Variants in RABGAP1L observed in about 807,000 individuals in gnomAD.
The protein encoded by RABGAP1L is rab GTPase-activating protein 1-like.
In RABGAP1L, 63 loss-of-function variants were observed where a neutral mutation model predicts 137.7. That is an observed-to-expected ratio of 0.46 (90% CI 0.37 to 0.56). The LOEUF is 0.56. RABGAP1L is among the 20% of genes least tolerant of loss of function. RABGAP1L has a pLI of 0.00. For missense variants in RABGAP1L, 1,095 were observed against 1,244.0 expected, an observed-to-expected ratio of 0.88 and a Z score of 1.80; for synonymous variants, 431 against 433.7, an observed-to-expected ratio of 0.99 and a Z score of 0.08.
intron 17 of RABGAP1L, among the ~76,000 whole-genome samples, chr1:174,748,166 G>A (rs779646925): frequency 5.9e-5 from 9 of 152,030 alleles, no homozygotes; most frequent in Admixed American, 2.6e-4. Context: ...TGGACAGCTT[G>A]GTTGTCTAAT....
intron 19 of RABGAP1L, among the ~76,000 whole-genome samples, chr1:174,836,607 T>G (rs1167005830): frequency 2.6e-5 from 4 of 152,220 alleles, no homozygotes; most frequent in African/African-American, 7.2e-5. Context: ...CTTTTGAGAG[T>G]ATGCAAAGTG....
chr1:174,940,486 C>T (rs1298129762), intron 19 of RABGAP1L, among the ~76,000 whole-genome samples: 3 of 152,026 alleles, frequency 2.0e-5, no homozygotes, highest in African/African-American at 7.2e-5. Flanking sequence ...CTTTGTTGCC[C>T]AGGCTGGTCT....
chr1:174,878,522 GC>G (rs1463064019), intron 19 of RABGAP1L, among the ~76,000 whole-genome samples: 2 of 152,068 alleles, frequency 1.3e-5, no homozygotes, highest in African/African-American at 4.8e-5. Flanking sequence ...ACCACGCCCG[GC>G]CCCCAAAATC....
chr1:174,248,207 A>G (rs1215071241), intron 5 of RABGAP1L, among the ~76,000 whole-genome samples: 2 of 152,186 alleles, frequency 1.3e-5, no homozygotes, highest in Non-Finnish European at 2.9e-5. Context: ...AGCTTATCTA[A>G]TGATTCCCTC....
chr1:174,336,740 A>C (rs77831148), intron 11 of RABGAP1L, among the ~76,000 whole-genome samples: 1 of 152,176 alleles, frequency 6.6e-6, no homozygotes, highest in Admixed American at 6.5e-5. Context: ...TATCAACTCT[A>C]TATGGTAGGT....
At chr1:174,247,090 A>G (rs1201933169) in intron 5 of RABGAP1L, among the ~76,000 whole-genome samples, 2 of 152,178 alleles carry the variant, frequency 1.3e-5, no homozygotes, top group Non-Finnish European at 2.9e-5. Flanking sequence ...CCTTTCTATA[A>G]AGAATTTTTT....
At chr1:174,849,839 G>T in intron 19 of RABGAP1L, 1 of 556,494 alleles carries the variant, frequency 1.8e-6, no homozygotes, top group South Asian at 1.4e-5. Context: ...TTTTGCCTTT[G>T]GGAATGATCT....
chr1:174,757,288 T>C (rs1256578903), intron 18 of RABGAP1L, among the ~76,000 whole-genome samples: 2 of 152,172 alleles, frequency 1.3e-5, no homozygotes, highest in Non-Finnish European at 2.9e-5. Context: ...TCCTGTTAAA[T>C]AAAACCGTAA....
intron 13 of RABGAP1L, among the ~76,000 whole-genome samples, chr1:174,409,919 C>T (rs1442762552): frequency 6.6e-6 from 1 of 152,162 alleles, no homozygotes; most frequent in Non-Finnish European, 1.5e-5. Context: ...AACATAGACC[C>T]TTATCAGGAG....
At chr1:174,555,807 G>T (rs1288838422) in intron 13 of RABGAP1L, among the ~76,000 whole-genome samples, 1 of 152,032 alleles carries the variant, frequency 6.6e-6, no homozygotes, top group Non-Finnish European at 1.5e-5. Flanking sequence ...GAAATTATAG[G>T]AATGGGAAAG....
chr1:174,655,756 C>T (rs1362722683), intron 14 of RABGAP1L, among the ~76,000 whole-genome samples: 3 of 152,106 alleles, frequency 2.0e-5, no homozygotes, highest in Admixed American at 6.5e-5. Context: ...GATTGTATTT[C>T]CTTGCTATCA....
intron 1 of RABGAP1L, among the ~76,000 whole-genome samples, chr1:174,182,481 G>C (rs1279168662): frequency 6.6e-6 from 1 of 152,210 alleles, no homozygotes; most frequent in Non-Finnish European, 1.5e-5. Context: ...CTTTCTGACT[G>C]TAGAGGTTAT....
intron 19 of RABGAP1L, among the ~76,000 whole-genome samples, chr1:174,905,743 C>G (rs530444146): frequency 1.3e-5 from 2 of 152,016 alleles, no homozygotes; most frequent in Non-Finnish European, 2.9e-5. Context: ...CCCAGCTACT[C>G]AGGAGGCTGA....
chr1:174,991,785 T>C lies in RABGAP1L; in HGVS notation c.*1784T>C. The C allele has an allele frequency of 6.6e-6, 1 of 152,152 alleles. No individual in the cohort carries two copies. Among genetic ancestry groups the C allele is most frequent in the Middle Eastern group, 3.4e-3 (1 of 292 alleles). The allele number at this position is 152,152 out of a possible 1,614,324, so 9.4% of individuals were successfully genotyped here. On this transcript the variant is annotated 3_prime_UTR_variant, in exon 26 of 26. Coordinates refer to ENST00000681986, the MANE Select transcript of RABGAP1L (RefSeq NM_001366446.1). Reference sequence around the variant, plus strand: ...GTCTAGATAAGCTAATTTTTTTTTTTTTTTTTTTGTAAAATGTAATAGCTA... The same window carrying C: ...GTCTAGATAAGCTAATTTTTTTTTTCTTTTTTTTGTAAAATGTAATAGCTA...
chr1:174,908,098 CAAGAG>C (rs1659410901), intron 19 of RABGAP1L, among the ~76,000 whole-genome samples: 1 of 152,112 alleles, frequency 6.6e-6, no homozygotes, highest in Non-Finnish European at 1.5e-5. Flanking sequence ...GTCAATTAAG[CAAGAG>C]AATATAACAA....
At chr1:174,621,468 A>G (rs935448488) in intron 13 of RABGAP1L, among the ~76,000 whole-genome samples, 15 of 152,228 alleles carry the variant, frequency 9.9e-5, no homozygotes, top group Admixed American at 4.6e-4. Flanking sequence ...ACAAGGCTAC[A>G]GTAACCAAAA....
At chr1:174,862,771 G>A (rs1009193073) in intron 19 of RABGAP1L, among the ~76,000 whole-genome samples, 1 of 151,912 alleles carries the variant, frequency 6.6e-6, no homozygotes, top group Non-Finnish European at 1.5e-5. Flanking sequence ...ATAGACCTAG[G>A]TATCTAGTAA....
intron 13 of RABGAP1L, among the ~76,000 whole-genome samples, chr1:174,400,600 T>C (rs74128381): frequency 3.3e-5 from 5 of 152,206 alleles, no homozygotes; most frequent in Non-Finnish European, 5.9e-5. Flanking sequence ...CTTTTAAGTA[T>C]GAAGCAATGT....
intron 1 of RABGAP1L, chr1:174,160,024 T>G (rs1332482618): frequency 1.3e-5 from 2 of 152,332 alleles, no homozygotes; most frequent in African/African-American, 4.8e-5. Context: ...GCTGCTGGAT[T>G]CGCAGTCCCA....
Sources: gnomAD v4.1 joint callset for allele counts (sites outside exome capture counted in the v4.1 genomes callset) on GRCh38, gnomAD v4.1.1 for gene constraint, MANE v1.5 for transcripts, NCBI Gene and HGNC (gene_info 2026-07-23, HGNC 2026-07-21) for gene names.